The following DENND4A variants were observed in gnomAD, a reference collection of about 807,000 sequenced individuals.
DENND4A encodes C-myc promoter-binding protein.
In DENND4A, 70 loss-of-function variants were observed where a neutral mutation model predicts 199.3. The ratio of observed to expected loss-of-function variants is 0.35; its 90% confidence interval spans 0.29 to 0.43. The LOEUF is 0.43. Among genes scored for constraint, DENND4A ranks in the 20% least tolerant of loss-of-function variants. The pLI is 1.00. For missense variants in DENND4A, 1,723 were observed against 2,255.8 expected, an observed-to-expected ratio of 0.76 and a Z score of 4.78; for synonymous variants, 686 against 766.9, an observed-to-expected ratio of 0.89 and a Z score of 1.74.
At chr15:65,681,962 C>G (rs1248920029) in intron 23 of DENND4A, among the ~76,000 whole-genome samples, 2 of 152,168 alleles carry the variant, frequency 1.3e-5, no homozygotes, top group Admixed American at 6.5e-5. Context: ...CAGTAGGTCT[C>G]AACAATGGGT....
intron 27 of DENND4A, 60 bp from the exon 28 acceptor site, chr15:65,668,183 C>T (rs2076102651): frequency 8.7e-7 from 1 of 1,149,618 alleles, no homozygotes; most frequent in Non-Finnish European, 1.2e-6. Context: ...ACTTCATCAA[C>T]AAGGATCATG....
At position 65,660,059 on chromosome 15, in the gene DENND4A, T is replaced by C; in HGVS notation, c.*1792A>G. On this transcript the variant is annotated 3_prime_UTR_variant, in exon 33 of 33. Transcript: ENST00000443035. Reference sequence around the variant, plus strand: ...ACCAGTGCCAAAAGCCTCCCCCCTCTGAAATGTTTCTCTCAGTTGACAACT... The same window carrying C: ...ACCAGTGCCAAAAGCCTCCCCCCTCCGAAATGTTTCTCTCAGTTGACAACT... 2.2e-6 allele frequency: 1 copy of C among 464,300 alleles called. No homozygotes were observed. The highest frequency in any genetic ancestry group is 3.8e-6 in the Non-Finnish European group (1 of 261,508). 28.8% of individuals were successfully genotyped at this position (464,300 alleles called of 1,614,324 possible).
chr15:65,734,944 T>C (rs2076069222), intron 7 of DENND4A, among the ~76,000 whole-genome samples: 1 of 152,030 alleles, frequency 6.6e-6, no homozygotes, highest in South Asian at 2.1e-4. Context: ...TAGCCAGGCA[T>C]GGTGGCATGT....
At chr15:65,745,493 T>C (rs918895519) in intron 4 of DENND4A, among the ~76,000 whole-genome samples, 3 of 152,244 alleles carry the variant, frequency 2.0e-5, no homozygotes, top group Admixed American at 2.0e-4. Context: ...TAAGCAACAT[T>C]TAACACACTA....
At chr15:65,782,566 T>C (rs1016213291) in intron 1 of DENND4A, among the ~76,000 whole-genome samples, 1 of 152,148 alleles carries the variant, frequency 6.6e-6, no homozygotes, top group African/African-American at 2.4e-5. Flanking sequence ...CTCGGACAAG[T>C]TGTTTAACAT....
Position 65,671,773 on chromosome 15 carries a change from C to G in DENND4A, c.4464+19G>C. On this transcript the variant is annotated intron_variant, in intron 25 of 32. Transcript: ENST00000443035. ...TTATAAAGCAGTATATGAAGATTCT[C>G]TTTTGCACAAAAGTGTACCTCCATT... is the stretch of plus-strand genomic sequence containing the variant. 6.8e-7 allele frequency: 1 copy of G among 1,476,770 alleles called. No homozygotes were observed. The highest frequency in any genetic ancestry group is 9.5e-7 in the Non-Finnish European group (1 of 1,054,840). The allele number at this position is 1,476,770 out of a possible 1,614,324, so 91.5% of individuals were successfully genotyped here. A position where few individuals can be genotyped will look rare whatever the true frequency, so the allele number is the denominator to read the frequency against.
intron 24 of DENND4A, among the ~76,000 whole-genome samples, chr15:65,673,616 TAAA>T (rs2076283032): frequency 1.3e-5 from 1 of 79,212 alleles, no homozygotes. Flanking sequence ...GCTTAGCAAA[TAAA>T]TAACAAGGAG....
At position 65,755,752 on chromosome 15, in the gene DENND4A, T is replaced by C. The variant is rs1356149991; in HGVS notation, c.311+388A>G. On this transcript the variant is annotated intron_variant, in intron 3 of 32. Coordinates refer to ENST00000443035, the MANE Select transcript of DENND4A (RefSeq NM_001320835.1). The stretch of plus-strand genomic sequence containing the variant: ...TTGCACTCCAGCTGGGTGATAGAGA[T>C]TAACCCTGTCCCTTTAAAAAGAAAA... Among the ~76,000 whole-genome samples the C allele has an allele frequency of 2.6e-5, 4 of 152,148 alleles. No homozygotes were observed. The East Asian group carries it at 7.7e-4, about 29-fold the overall frequency.
chr15:65,664,833 G>A (rs1028966903), intron 30 of DENND4A, 111 bp from the exon 31 acceptor site: 10 of 895,492 alleles, frequency 1.1e-5, no homozygotes, highest in South Asian at 6.5e-5. Context: ...AATAAATTAA[G>A]GGCAATAGAT....
At chr15:65,779,284 C>T (rs1205942000) in intron 1 of DENND4A, among the ~76,000 whole-genome samples, 4 of 151,558 alleles carry the variant, frequency 2.6e-5, no homozygotes, top group Non-Finnish European at 4.4e-5. Context: ...GGTGAAACCC[C>T]GTCTCTACTA....
intron 15 of DENND4A, 163 bp downstream of exon 15, chr15:65,705,928 C>T (rs1051012313): frequency 1.1e-6 from 1 of 893,718 alleles, no homozygotes; most frequent in East Asian, 1.2e-4. Context: ...TCTTTTTATA[C>T]CTCAAAGCTT....
chr15:65,671,722 C>T, intron 25 of DENND4A, 70 bp downstream of exon 25: 1 of 1,075,300 alleles, frequency 9.3e-7, no homozygotes, highest in East Asian at 2.4e-5. Context: ...CTACCTGGGA[C>T]CACTAATACT....
chr15:65,751,625 G>A (rs953352201), intron 4 of DENND4A, among the ~76,000 whole-genome samples: 2 of 152,184 alleles, frequency 1.3e-5, no homozygotes, highest in African/African-American at 4.8e-5. Context: ...AGCAAAGGCA[G>A]AAAGGGAATG....
chr15:65,706,345 A>G, intron 14 of DENND4A, 121 bp from the exon 15 acceptor site: 2 of 1,006,606 alleles, frequency 2.0e-6, no homozygotes, highest in Non-Finnish European at 2.7e-6. Flanking sequence ...TTAAAAAAGA[A>G]GAGTGAGCAA....
At chr15:65,711,795 A>G (rs1361520151) in intron 14 of DENND4A, among the ~76,000 whole-genome samples, 4 of 152,204 alleles carry the variant, frequency 2.6e-5, no homozygotes, top group African/African-American at 4.8e-5. Context: ...TTAGCATATT[A>G]TTCCACACAC....
At chr15:65,762,920 T>C (rs773766954) in intron 1 of DENND4A, among the ~76,000 whole-genome samples, 5 of 152,212 alleles carry the variant, frequency 3.3e-5, no homozygotes, top group Non-Finnish European at 5.9e-5. Context: ...ATCATTTATA[T>C]CAAATCTCAC....
rs200076757 is a variant in DENND4A, at chr15:65,720,413, AT to A, written c.1589-2418del. Among the ~76,000 whole-genome samples the A allele has an allele frequency of 4.5e-3, 634 of 141,138 alleles. 1 individual carries two copies. Among genetic ancestry groups the A allele is most frequent in the African/African-American group, 9.5e-3 (367 of 38,542 alleles). 92.6% of individuals were successfully genotyped at this position (141,138 alleles called of 152,430 possible). A position where few individuals can be genotyped will look rare whatever the true frequency, so the allele number is the denominator to read the frequency against. ...AGGCATTGGAACCAGAAAGCCTAGG[AT>A]TTTTTTTTTTTTTTTGAGATGGAGT... On this transcript the variant is annotated intron_variant, in intron 12 of 32. Coordinates refer to ENST00000443035, the MANE Select transcript of DENND4A (RefSeq NM_001320835.1).
chr15:65,696,707 T>C, intron 21 of DENND4A: 1 of 339,526 alleles, frequency 2.9e-6, no homozygotes, highest in Admixed American at 4.5e-5. Context: ...ATACTGATCA[T>C]GCATGAGGTC....
intron 7 of DENND4A, among the ~76,000 whole-genome samples, chr15:65,736,882 C>G (rs1596559456): frequency 6.6e-6 from 1 of 152,024 alleles, no homozygotes; most frequent in Non-Finnish European, 1.5e-5. Flanking sequence ...ATTCTGCTCA[C>G]TAAAGTTTTT....
Sources: allele counts gnomAD v4.1 joint callset (sites outside exome capture counted in the v4.1 genomes callset), GRCh38; gene constraint gnomAD v4.1.1; transcripts MANE v1.5; gene names NCBI Gene and HGNC (gene_info 2026-07-23, HGNC 2026-07-21).